Variants in FXYD2 observed in about 807,000 individuals in gnomAD.
The protein encoded by FXYD2 is sodium/potassium-transporting ATPase subunit gamma.
FXYD2 carries 8 observed loss-of-function variants against 11.8 expected under a neutral mutation model. The ratio of observed to expected loss-of-function variants is 0.68; its 90% confidence interval spans 0.40 to 1.22. The LOEUF (loss-of-function observed/expected upper bound fraction) is 1.22, where lower values mean the gene tolerates loss of function less well. FXYD2 is among the 50% of genes most tolerant of loss of function. The pLI, the probability that FXYD2 is intolerant of heterozygous loss-of-function variation, is 0.01. For synonymous variants in FXYD2, 42 were observed against 33.3 expected (o/e 1.26, Z -0.90); for missense variants, 92 against 91.8 (o/e 1.00, Z -0.01).
chr11:117,821,030 T>TTTG, intron 3 of FXYD2, 135 bp from the exon 4 acceptor site: 1 of 1,043,400 alleles, frequency 9.6e-7, no homozygotes. Context: ...AGGCCACGTT[T>TTTG]GACTGTCTCT....
upstream of FXYD2, among the ~76,000 whole-genome samples, chr11:117,827,085 G>T (rs75688545): frequency 4.3e-5 from 6 of 138,492 alleles, no homozygotes; most frequent in African/African-American, 1.1e-4. Context: ...GATAAATAGA[G>T]AGATAGATAG....
rs201669990 is a variant in FXYD2, at chr11:117,820,690, G to A, written c.183C>T (p.Ile61=). ...CCTGCTGTTACGGCTCATCTTCATT[G>A]ATTTGCCTGGTGGGGGAAGGAAAAG... ...RCGGNKKRRQ[I]NEDEP is the part of the protein sequence containing the mutation. Residue 61 remains isoleucine (I), a synonymous_variant, in exon 5 of 6, where the codon ATC becomes ATT. Coordinates refer to ENST00000292079, the MANE Select transcript of FXYD2 (RefSeq NM_001680.5). The A allele has an allele frequency of 5.0e-5, 80 of 1,613,950 alleles. No individual in the cohort carries two copies. The East Asian group carries it at 7.1e-4, about 14-fold the overall frequency.
chr11:117,820,674 A>T lies in FXYD2; in HGVS notation c.199T>A (p.Ter67LysextTer32), dbSNP rs2055877507. 10 of 1,613,904 alleles carry T rather than the reference A, an allele frequency of 6.2e-6. No individual in the cohort carries two copies. Among genetic ancestry groups the T allele is most frequent in the Non-Finnish European group, 8.5e-6 (10 of 1,179,960 alleles). ...KRRQINEDEP[*>K] ...AGGCCCTCCTAGCATACCTGCTGTT[A>T]CGGCTCATCTTCATTGATTTGCCTG... The change falls in exon 5 of 6, where the codon TAA becomes AAA. Residue 67 changes from the stop codon to lysine (K), a stop_lost. Transcript: ENST00000292079.
rs185627296 is a variant in FXYD2, at chr11:117,821,871, T to C, written c.139+535A>G. On this transcript the variant is annotated intron_variant, in intron 3 of 5. Coordinates refer to ENST00000292079, the MANE Select transcript of FXYD2 (RefSeq NM_001680.5). Reference sequence around the variant, plus strand: ...TCCATGGGTTGTGTTTTCTGTGTATTTTTCTTTGGGTTGGACCAAAACAAG... The same window carrying C: ...TCCATGGGTTGTGTTTTCTGTGTATCTTTCTTTGGGTTGGACCAAAACAAG... 3,794 of 999,794 alleles carry C rather than the reference T, an allele frequency of 3.8e-3. 12 individuals are homozygous for C. Among genetic ancestry groups the C allele is most frequent in the Non-Finnish European group, 4.1e-3 (3,454 of 838,484 alleles). 61.9% of individuals were successfully genotyped at this position (999,794 alleles called of 1,614,324 possible).
rs1188849840 is a variant in FXYD2, at chr11:117,822,691, G to C, written c.52C>G (p.Pro18Ala). The C allele has an allele frequency of 3.7e-6, 6 of 1,610,642 alleles. No homozygotes were observed. The South Asian group carries it at 6.7e-5, about 18-fold the overall frequency. Residue 18 changes from proline (P) to alanine (A), a missense_variant, in exon 2 of 6, where the codon CCG becomes GCG. Physicochemically the swap from Pro to Ala is conservative, Grantham distance 27. Coordinates refer to ENST00000292079, the MANE Select transcript of FXYD2 (RefSeq NM_001680.5). The surrounding 1 kb of genome is among the most constrained non-coding windows in gnomAD (Gnocchi z 4.7). ...GGGSPKGDVD[P>A]FYYDYETVRN... Reference sequence around the variant, plus strand: ...GGCCCAGGCTTACCATAGTAGAACGGGTCCACGTCCCCCTTGGGGCTGCCG... The same window carrying C: ...GGCCCAGGCTTACCATAGTAGAACGCGTCCACGTCCCCCTTGGGGCTGCCG...
chr11:117,822,107 C>CG lies in FXYD2; in HGVS notation c.139+298dup. The CG allele has an allele frequency of 7.4e-7, 1 of 1,347,504 alleles. No homozygotes were observed. Among genetic ancestry groups the CG allele is most frequent in the Non-Finnish European group, 9.6e-7 (1 of 1,042,744 alleles). The allele number at this position is 1,347,504 out of a possible 1,614,324, so 83.5% of individuals were successfully genotyped here. Reference sequence around the variant, plus strand: ...ATGAGTTTGGGACCATGGTTAGCAGCGGGGGGCCTAGTCCCCCTGTCTGGC... The same window carrying CG: ...ATGAGTTTGGGACCATGGTTAGCAGCGGGGGGGCCTAGTCCCCCTGTCTGGC... On this transcript the variant is annotated intron_variant, in intron 3 of 5. Coordinates refer to ENST00000292079, the MANE Select transcript of FXYD2 (RefSeq NM_001680.5). This position sits in a 1 kb window ranked among gnomAD's most constrained non-coding sequence, Gnocchi z 4.7.
At chr11:117,821,785 T>C (rs2055911150) in intron 3 of FXYD2, 6 of 988,396 alleles carry the variant, frequency 6.1e-6, no homozygotes, top group Non-Finnish European at 7.2e-6. Flanking sequence ...TGGGGTGGGG[T>C]GGCAGTGGCA....
intron 4 of FXYD2, 70 bp downstream of exon 4, chr11:117,820,789 A>G: frequency 1.2e-6 from 2 of 1,613,740 alleles, no homozygotes; most frequent in South Asian, 2.2e-5. Flanking sequence ...TGTGTCAGAG[A>G]CAAAATCCTC....
Position 117,822,164 on chromosome 11 carries a change from C to T in FXYD2, c.139+242G>A. 2 of 1,420,602 alleles carry T rather than the reference C, an allele frequency of 1.4e-6. No individual in the cohort carries two copies. The highest frequency in any genetic ancestry group is 9.2e-7 in the Non-Finnish European group (1 of 1,086,950). 88.0% of individuals were successfully genotyped at this position (1,420,602 alleles called of 1,614,324 possible). On this transcript the variant is annotated intron_variant, in intron 3 of 5. Coordinates refer to ENST00000292079, the MANE Select transcript of FXYD2 (RefSeq NM_001680.5). This position sits in a 1 kb window ranked among gnomAD's most constrained non-coding sequence, Gnocchi z 4.7. ...GTTACCCAGTTACCCCGTGGGTTTG[C>T]TCTCACTTCTGCGGCTCCTCCCGGG...
chr11:117,826,778 G>GTCTATCTGTCTGTCTGTCTATCTA (rs1555040290), upstream of FXYD2, among the ~76,000 whole-genome samples: 9 of 125,780 alleles, frequency 7.2e-5, no homozygotes, highest in East Asian at 2.3e-4. Flanking sequence ...CTGTCTGTCT[G>GTCTATCTGTCTGTCTGTCTATCTA]TCTATCTATC....
chr11:117,821,666 C>A, intron 3 of FXYD2: 4 of 961,336 alleles, frequency 4.2e-6, no homozygotes, highest in Non-Finnish European at 5.0e-6. Flanking sequence ...GGGAGACCTG[C>A]AGGACTGTGG....
At position 117,824,691 on chromosome 11, in the gene FXYD2, A is replaced by G. The variant is rs760843021; in HGVS notation, c.-13T>C. On this transcript the variant is annotated 5_prime_UTR_variant, in exon 1 of 6. Transcript: ENST00000292079. The surrounding 1 kb of genome is among the most constrained non-coding windows in gnomAD (Gnocchi z 4.0). ...ACAACCCAGTCATTTCCCCAGGTGA[A>G]TGGGCTGCCTCCACTCCCCTCTTCC... 8 of 1,613,794 alleles carry G rather than the reference A, an allele frequency of 5.0e-6. No individual in the cohort carries two copies. The highest frequency in any genetic ancestry group is 4.2e-6 in the Non-Finnish European group (5 of 1,179,950).
chr11:117,824,491 C>T lies in FXYD2; in HGVS notation c.25+163G>A. 4.3e-6 allele frequency: 3 copies of T among 695,996 alleles called. No homozygotes were observed. In the South Asian group the frequency reaches 4.5e-5, roughly 11 times the overall value. The allele number at this position is 695,996 out of a possible 1,614,324, so 43.1% of individuals were successfully genotyped here. ...TAAAGCAGGGTCCTCCTTTAAGTTG[C>T]AAATTTTCTTAGAGAGGAGGCCGAC... On this transcript the variant is annotated intron_variant, in intron 1 of 5. Coordinates refer to ENST00000292079, the MANE Select transcript of FXYD2 (RefSeq NM_001680.5). The surrounding 1 kb of genome is among the most constrained non-coding windows in gnomAD (Gnocchi z 4.0).
upstream of FXYD2, among the ~76,000 whole-genome samples, chr11:117,825,295 A>G (rs2056011705): frequency 2.0e-5 from 3 of 152,126 alleles, no homozygotes. Context: ...CTATTCACCC[A>G]TCAACGTGCA....
At chr11:117,826,153 AATGACAAGC>A (rs1158172447), upstream of FXYD2, among the ~76,000 whole-genome samples, 3 of 152,192 alleles carry the variant, frequency 2.0e-5, no homozygotes, top group Non-Finnish European at 4.4e-5. Flanking sequence ...TGATTGAAGA[AATGACAAGC>A]ATTAGCCTTT....
In FXYD2 at chr11:117,822,347, G is replaced by A. The variant is rs1202281431; in HGVS notation, c.139+59C>T. Reference sequence around the variant, plus strand: ...ACTCCCGAAAGCCAGCCTGCTCAGCGGCCTTGAGAAGAGAGGTGCCCTGGT... The same window carrying A: ...ACTCCCGAAAGCCAGCCTGCTCAGCAGCCTTGAGAAGAGAGGTGCCCTGGT... On this transcript the variant is annotated intron_variant, in intron 3 of 5. Transcript: ENST00000292079. The surrounding 1 kb of genome is among the most constrained non-coding windows in gnomAD (Gnocchi z 4.7). 10 of 1,550,020 alleles carry A rather than the reference G, an allele frequency of 6.5e-6. No homozygotes were observed. The highest frequency in any genetic ancestry group is 3.9e-5 in the Admixed American group (2 of 50,988).
At chr11:117,827,074 AG>A (rs2056056191), upstream of FXYD2, among the ~76,000 whole-genome samples, 3 of 124,364 alleles carry the variant, frequency 2.4e-5, no homozygotes, top group East Asian at 2.6e-4. Flanking sequence ...ATGGATAGAT[AG>A]ATAAATAGAG....
Position 117,822,849 on chromosome 11 carries a change from C to G in FXYD2, c.26-132G>C. On this transcript the variant is annotated intron_variant, in intron 1 of 5. Transcript: ENST00000292079. The surrounding 1 kb of genome is among the most constrained non-coding windows in gnomAD (Gnocchi z 4.7). ...CAAGCAGGCGAGGGGAGGCTGGGAG[C>G]AGGGGTGTTGCTAAAACCATTGCCA... The G allele has an allele frequency of 1.6e-6, 2 of 1,264,530 alleles. No individual in the cohort carries two copies. Among genetic ancestry groups the G allele is most frequent in the Middle Eastern group, 2.5e-4 (1 of 4,008 alleles). 78.3% of individuals were successfully genotyped at this position (1,264,530 alleles called of 1,614,324 possible). A position where few individuals can be genotyped will look rare whatever the true frequency, so the allele number is the denominator to read the frequency against.
chr11:117,827,026 G>A (rs535794612), upstream of FXYD2, among the ~76,000 whole-genome samples: 20 of 146,502 alleles, frequency 1.4e-4, 1 homozygote, highest in South Asian at 4.9e-3. Context: ...CTCCCACTGC[G>A]GGGGGGAGGA....
Sources: allele counts gnomAD v4.1 joint callset (sites outside exome capture counted in the v4.1 genomes callset), GRCh38; gene constraint gnomAD v4.1.1; non-coding constraint Gnocchi (gnomAD v3.1); transcripts MANE v1.5; gene names NCBI Gene and HGNC (gene_info 2026-07-23, HGNC 2026-07-21).